Variants in CREB3L2 observed in about 807,000 individuals in gnomAD.
CREB3L2 encodes the protein cyclic AMP-responsive element-binding protein 3-like protein 2.
In CREB3L2, 23 loss-of-function variants were observed where a neutral mutation model predicts 57.2. That is an observed-to-expected ratio of 0.40 (90% CI 0.29 to 0.57). The LOEUF (loss-of-function observed/expected upper bound fraction) is 0.57, where lower values mean the gene tolerates loss of function less well. CREB3L2 is among the 20% of genes least tolerant of loss of function. The pLI is 0.42. For synonymous variants in CREB3L2, 268 were observed against 265.1 expected (o/e 1.01, Z -0.11); for missense variants, 628 against 634.7 (o/e 0.99, Z 0.11).
At chr7:137,973,966 C>T (rs145918373) in intron 1 of CREB3L2, among the ~76,000 whole-genome samples, 108 of 151,888 alleles carry the variant, frequency 7.1e-4, no homozygotes, top group African/African-American at 2.5e-3. Context: ...GAGCCAAGAC[C>T]GAGAAATGAT....
chr7:137,921,559 C>T (rs1162730056), intron 2 of CREB3L2, among the ~76,000 whole-genome samples: 2 of 152,088 alleles, frequency 1.3e-5, no homozygotes, highest in African/African-American at 2.4e-5. Context: ...GCAGATCTTC[C>T]ATCATTTCCA....
chr7:137,956,641 C>T (rs1291062349), intron 1 of CREB3L2: 3 of 1,288,648 alleles, frequency 2.3e-6, no homozygotes, highest in Middle Eastern at 2.1e-4. Flanking sequence ...AAGCCAGCAG[C>T]CCAGGTAAGC....
chr7:137,882,547 C>G lies in CREB3L2; in HGVS notation c.1352G>C (p.Gly451Ala). 1 of 1,613,758 alleles carries G rather than the reference C, an allele frequency of 6.2e-7. No individual in the cohort carries two copies. The highest frequency in any genetic ancestry group is 8.5e-7 in the Non-Finnish European group (1 of 1,179,728). ...CAGGGAGGAACCTCTATCCCAGCCCCCCAGCTCCCCAGCCGAGCCCGGGCT... is the reference window on the plus strand; with the variant it reads ...CAGGGAGGAACCTCTATCCCAGCCCGCCAGCTCCCCAGCCGAGCCCGGGCT... ...SSSPGSAGEL[G>A]GWDRGSSLLR... Residue 451 changes from glycine to alanine, a missense_variant, in exon 11 of 12, where the codon GGG becomes GCG. Gly to Ala is a moderately conservative substitution (Grantham distance 60). Around this residue, in one of 3 missense-constraint regions of CREB3L2, gnomAD observed 272 missense variants for 242.7 expected, o/e 1.12. Transcript: ENST00000330387.
chr7:137,888,965 A>G (rs542523330), intron 8 of CREB3L2, among the ~76,000 whole-genome samples: 1 of 151,716 alleles, frequency 6.6e-6, no homozygotes, highest in East Asian at 1.9e-4. Flanking sequence ...CCAAAGTCTT[A>G]AGCTGTTTTG....
chr7:137,938,707 A>G (rs1362320935), intron 1 of CREB3L2, among the ~76,000 whole-genome samples: 1 of 152,204 alleles, frequency 6.6e-6, no homozygotes, highest in Middle Eastern at 3.2e-3. Flanking sequence ...GAATTTTTAC[A>G]TATGATATTT....
At chr7:137,928,843 C>G (rs1291631008) in intron 1 of CREB3L2, among the ~76,000 whole-genome samples, 1 of 152,112 alleles carries the variant, frequency 6.6e-6, no homozygotes, top group African/African-American at 2.4e-5. Flanking sequence ...CAGCTCACAC[C>G]CATGGGGCGG....
chr7:137,911,305 C>A (rs901033069), intron 4 of CREB3L2, among the ~76,000 whole-genome samples: 15 of 152,016 alleles, frequency 9.9e-5, no homozygotes, highest in Non-Finnish European at 2.9e-5. Flanking sequence ...AAATTTAATC[C>A]TTTCTTTATT....
chr7:137,910,357 C>G (rs1204928001), intron 4 of CREB3L2, among the ~76,000 whole-genome samples: 1 of 151,888 alleles, frequency 6.6e-6, no homozygotes, highest in East Asian at 1.9e-4. Context: ...CAAAGAGGTC[C>G]CTGGGCTTTT....
At chr7:137,968,883 C>T (rs1801453296) in intron 1 of CREB3L2, among the ~76,000 whole-genome samples, 1 of 151,912 alleles carries the variant, frequency 6.6e-6, no homozygotes, top group Non-Finnish European at 1.5e-5. Context: ...TTGTGTGTGT[C>T]CTAGGGGGTT....
chr7:137,983,414 T>A (rs564971907), intron 1 of CREB3L2, among the ~76,000 whole-genome samples: 1 of 152,230 alleles, frequency 6.6e-6, no homozygotes, highest in Non-Finnish European at 1.5e-5. Context: ...ACAGAGCTAG[T>A]GGTCTTTTAG....
At chr7:137,887,314 G>A (rs1274200955) in intron 8 of CREB3L2, among the ~76,000 whole-genome samples, 1 of 152,156 alleles carries the variant, frequency 6.6e-6, no homozygotes, top group Non-Finnish European at 1.5e-5. Context: ...AGGACAGGTT[G>A]GCCACAAGAA....
chr7:137,964,299 C>T (rs61424261), intron 1 of CREB3L2, among the ~76,000 whole-genome samples: 23 of 152,192 alleles, frequency 1.5e-4, no homozygotes, highest in African/African-American at 4.8e-4. Flanking sequence ...CTAGGGGACA[C>T]GAGCGAGACT....
chr7:137,946,314 T>C (rs1057179582), intron 1 of CREB3L2, among the ~76,000 whole-genome samples: 5 of 151,982 alleles, frequency 3.3e-5, no homozygotes, highest in African/African-American at 9.7e-5. Context: ...GAGATTATCC[T>C]GAGCGGGTCT....
chr7:137,960,151 T>C (rs1270990135), intron 1 of CREB3L2, among the ~76,000 whole-genome samples: 1 of 152,182 alleles, frequency 6.6e-6, no homozygotes, highest in Non-Finnish European at 1.5e-5. Flanking sequence ...ATTAGACCCA[T>C]TTTATAGGGC....
At chr7:137,921,746 C>T (rs1800280969) in intron 2 of CREB3L2, among the ~76,000 whole-genome samples, 1 of 152,198 alleles carries the variant, frequency 6.6e-6, no homozygotes, top group Admixed American at 6.5e-5. Context: ...ATCCAAGAAA[C>T]TGCCTTTCCT....
intron 1 of CREB3L2, among the ~76,000 whole-genome samples, chr7:137,990,967 A>T (rs538889396): frequency 6.6e-6 from 1 of 152,250 alleles, no homozygotes; most frequent in East Asian, 1.9e-4. Flanking sequence ...TGTTAAAAAA[A>T]TGTTTCCTAC....
At chr7:137,951,804 T>C (rs1457479942) in intron 1 of CREB3L2, among the ~76,000 whole-genome samples, 2 of 152,032 alleles carry the variant, frequency 1.3e-5, no homozygotes, top group Non-Finnish European at 2.9e-5. Flanking sequence ...CTGGGCAACA[T>C]AGGGAGACTC....
rs1376599665 is a variant in CREB3L2, at chr7:137,904,024, G to C, written c.916-7C>G. The C allele has an allele frequency of 1.2e-6, 2 of 1,607,812 alleles. No individual in the cohort carries two copies. Among genetic ancestry groups the C allele is most frequent in the Non-Finnish European group, 8.5e-7 (1 of 1,174,266 alleles). On this transcript the variant is annotated splice_region_variant and splice_polypyrimidine_tract_variant and intron_variant, in intron 6 of 11. Transcript: ENST00000330387. ...TACTTTCCTGAGCAGAAATCTGAGA[G>C]AGAGGAGTGGGAGGAGAATGATTAA...
At chr7:137,897,174 T>C (rs1326023356) in intron 8 of CREB3L2, among the ~76,000 whole-genome samples, 1 of 152,272 alleles carries the variant, frequency 6.6e-6, no homozygotes, top group Non-Finnish European at 1.5e-5. Context: ...CATTTCATAA[T>C]ATATGCATAC....
Sources: allele counts gnomAD v4.1 joint callset (sites outside exome capture counted in the v4.1 genomes callset), GRCh38; gene constraint gnomAD v4.1.1; regional missense constraint gnomAD v4.1.1; transcripts MANE v1.5; gene names NCBI Gene and HGNC (gene_info 2026-07-23, HGNC 2026-07-21).